Variants in CUX1 observed in about 807,000 individuals in gnomAD.
CUX1 encodes the protein cut like homeobox 1.
In CUX1, 31 loss-of-function variants were observed where a neutral mutation model predicts 158.8. That is an observed-to-expected ratio of 0.20 (90% CI 0.15 to 0.26). The LOEUF (loss-of-function observed/expected upper bound fraction) is 0.26. CUX1 is among the 10% of genes least tolerant of loss of function. CUX1 has a pLI of 1.00. For missense variants in CUX1, 1,589 were observed against 2,014.6 expected, an observed-to-expected ratio of 0.79 and a Z score of 4.04; for synonymous variants, 879 against 862.1, an observed-to-expected ratio of 1.02 and a Z score of -0.34.
At chr7:102,048,348 A>G (rs1463617741) in intron 3 of CUX1, among the ~76,000 whole-genome samples, 1 of 152,182 alleles carries the variant, frequency 6.6e-6, no homozygotes, top group Non-Finnish European at 1.5e-5. Context: ...GGGGTCACAC[A>G]CTTGTCCAGC....
intron 2 of CUX1, among the ~76,000 whole-genome samples, chr7:101,937,717 T>G (rs1273486990): frequency 6.6e-6 from 1 of 152,090 alleles, no homozygotes; most frequent in African/African-American, 2.4e-5. Flanking sequence ...TTCATCATGT[T>G]GGCCAGGGTG....
intron 16 of CUX1, among the ~76,000 whole-genome samples, chr7:102,274,610 T>A (rs1791470246): frequency 6.6e-6 from 1 of 152,134 alleles, no homozygotes; most frequent in African/African-American, 2.4e-5. Flanking sequence ...ACCGAGACCC[T>A]GTCTCTAAAA....
chr7:102,199,167 G>A (rs561242551), intron 16 of CUX1, among the ~76,000 whole-genome samples: 3 of 152,224 alleles, frequency 2.0e-5, no homozygotes, highest in South Asian at 4.1e-4. Context: ...TTTCTCAGAC[G>A]CAGTTGAAAA....
chr7:102,263,944 G>A (rs536851262), intron 14 of CUX1, among the ~76,000 whole-genome samples: 6 of 149,636 alleles, frequency 4.0e-5, no homozygotes, highest in Admixed American at 1.3e-4. Context: ...TGCCTGCCTC[G>A]GCCTCCCAAA....
At chr7:102,124,909 G>A (rs1437379376) in intron 8 of CUX1, among the ~76,000 whole-genome samples, 18 of 151,854 alleles carry the variant, frequency 1.2e-4, no homozygotes, top group African/African-American at 4.4e-4. Context: ...AGCCTCCCAA[G>A]TATCTGGGAG....
chr7:101,950,966 C>T (rs1187097737), intron 2 of CUX1, among the ~76,000 whole-genome samples: 1 of 152,138 alleles, frequency 6.6e-6, no homozygotes, highest in Admixed American at 6.6e-5. Flanking sequence ...GGTTTCATTC[C>T]CTTTCTGTAT....
intron 1 of CUX1, among the ~76,000 whole-genome samples, chr7:101,860,076 C>G (rs898647603): frequency 6.6e-6 from 1 of 151,750 alleles, no homozygotes; most frequent in African/African-American, 2.4e-5. Flanking sequence ...GTCTCTCCCC[C>G]CTTCTCCCCT....
rs148160128 is a variant in CUX1 at position 102,131,678 on chromosome 7, A to T, written c.674+16405A>T. 4.0e-3 allele frequency among the ~76,000 whole-genome samples: 377 copies of T among 93,348 alleles called. 3 individuals carry two copies. Among genetic ancestry groups the T allele is most frequent in the South Asian group, 0.023 (64 of 2,792 alleles). 61.2% of individuals were successfully genotyped at this position (93,348 alleles called of 152,430 possible). A position where few individuals can be genotyped will look rare whatever the true frequency, so the allele number is the denominator to read the frequency against. On this transcript the variant is annotated intron_variant, in intron 8 of 23. Coordinates refer to ENST00000292535, the MANE Select transcript of CUX1 (RefSeq NM_181552.4). ...TATTTATTTTTTATTTTATTTATTT[A>T]TTTTTTTTTTTTGAGACAGGGTCTT...
Position 101,974,181 on chromosome 7 carries a change from C to T in CUX1, c.142-53917C>T, listed in dbSNP as rs143684569. ...CCCTGGGCTCAAGTAATGCTCTCAC[C>T]TCAGCCTCCCAAGTATCAAATTCTC... On this transcript the variant is annotated intron_variant, in intron 2 of 23. Transcript: ENST00000292535. Among the ~76,000 whole-genome samples, 776 of 152,060 alleles carry T rather than the reference C, an allele frequency of 5.1e-3. 11 individuals carry two copies. Among genetic ancestry groups the T allele is most frequent in the African/African-American group, 0.018 (729 of 41,472 alleles).
intron 8 of CUX1, among the ~76,000 whole-genome samples, chr7:102,122,287 C>G (rs1832125654): frequency 6.6e-6 from 1 of 152,110 alleles, no homozygotes; most frequent in Non-Finnish European, 1.5e-5. Flanking sequence ...AGAGAAGCAG[C>G]CACTTTTATG....
At chr7:102,127,848 GTTTGT>G (rs1554495862) in intron 8 of CUX1, among the ~76,000 whole-genome samples, 2 of 125,604 alleles carry the variant, frequency 1.6e-5, no homozygotes, top group African/African-American at 6.1e-5. Context: ...TTGTTTGTTT[GTTTGT>G]TTTGTTTTGT....
intron 18 of CUX1, chr7:102,278,195 C>T: frequency 1.8e-6 from 1 of 552,790 alleles, no homozygotes; most frequent in East Asian, 3.3e-5. Flanking sequence ...ACCCCTGAGG[C>T]CTTCCGACAT....
chr7:102,126,937 C>T (rs969854361), intron 8 of CUX1, among the ~76,000 whole-genome samples: 3 of 152,342 alleles, frequency 2.0e-5, no homozygotes, highest in Non-Finnish European at 1.5e-5. Flanking sequence ...GACAGATCAT[C>T]AGGCATTAGA....
chr7:102,085,915 G>A (rs1445816890), intron 4 of CUX1, among the ~76,000 whole-genome samples: 3 of 152,088 alleles, frequency 2.0e-5, no homozygotes, highest in South Asian at 4.1e-4. Flanking sequence ...TTTATGGCAA[G>A]TTTTTAAATT....
At chr7:102,124,236 A>G (rs1207788656) in intron 8 of CUX1, among the ~76,000 whole-genome samples, 1 of 152,226 alleles carries the variant, frequency 6.6e-6, no homozygotes, top group African/African-American at 2.4e-5. Context: ...CCCTTCCTGC[A>G]TCCCAAAATT....
chr7:102,186,011 G>GAC (rs1167264389), intron 11 of CUX1, among the ~76,000 whole-genome samples: 1 of 152,212 alleles, frequency 6.6e-6, no homozygotes, highest in East Asian at 1.9e-4. Context: ...AGCGTGACCT[G>GAC]ACAGGAGGAG....
chr7:102,174,582 C>T (rs781935533), intron 10 of CUX1, among the ~76,000 whole-genome samples: 1 of 152,206 alleles, frequency 6.6e-6, no homozygotes, highest in African/African-American at 2.4e-5. Context: ...TTCATTCTCC[C>T]TTATGTCCTT....
At chr7:102,272,472 C>T (rs1388588337) in intron 14 of CUX1, among the ~76,000 whole-genome samples, 4 of 152,260 alleles carry the variant, frequency 2.6e-5, no homozygotes, top group African/African-American at 7.2e-5. Context: ...TCCCTCTCTG[C>T]GGCCCCAACA....
intron 2 of CUX1, among the ~76,000 whole-genome samples, chr7:101,936,362 A>G (rs1806933924): frequency 6.6e-6 from 1 of 152,120 alleles, no homozygotes; most frequent in South Asian, 2.1e-4. Context: ...GGGGAGAAAG[A>G]GAGCATTCCA....
Sources: gnomAD v4.1 joint callset for allele counts (sites outside exome capture counted in the v4.1 genomes callset) on GRCh38, gnomAD v4.1.1 for gene constraint, MANE v1.5 for transcripts, NCBI Gene and HGNC (gene_info 2026-07-23, HGNC 2026-07-21) for gene names.